The following PRR16 variants were observed in gnomAD, a reference collection of about 807,000 sequenced individuals.
PRR16 encodes proline rich 16, also known as protein Largen.
A neutral mutation model predicts 18.2 loss-of-function variants in PRR16; 6 were observed. That is an observed-to-expected ratio of 0.33 (90% confidence interval 0.18 to 0.65). PRR16 has a LOEUF of 0.65. Ranked by LOEUF, PRR16 falls within the 30% of genes least tolerant of loss-of-function variation. The probability of loss-of-function intolerance (pLI) is 0.74; values close to 1 mark genes in which losing one functional copy is unlikely to be tolerated. For synonymous variants in PRR16, 151 were observed against 147.8 expected (o/e 1.02, Z -0.16); for missense variants, 412 against 376.6 (o/e 1.09, Z -0.78).
the PRR16 span, among the ~76,000 whole-genome samples, chr5:120,726,473 T>C: frequency 6.6e-6 from 1 of 152,036 alleles, no homozygotes; most frequent in African/African-American, 2.4e-5. Context: ...AAGAATCATA[T>C]ATTAACAAAT....
At chr5:120,762,923 C>T in the PRR16 span, among the ~76,000 whole-genome samples, 2 of 152,074 alleles carry the variant, frequency 1.3e-5, no homozygotes, top group Admixed American at 1.3e-4. Context: ...TTAAGTCTTT[C>T]ATTCACTTTG....
the PRR16 span, among the ~76,000 whole-genome samples, chr5:120,759,236 A>G: frequency 8.0e-3 from 1,214 of 152,096 alleles, 2 homozygotes; most frequent in Non-Finnish European, 0.012. Flanking sequence ...TCGGCCTCCC[A>G]AAGTGCTGGG....
At chr5:120,600,238 A>C (rs1352807443) in intron 1 of PRR16, among the ~76,000 whole-genome samples, 5 of 151,868 alleles carry the variant, frequency 3.3e-5, no homozygotes, top group Admixed American at 1.3e-4. Context: ...AAGAGATGCC[A>C]TTCTATGCCA....
chr5:120,574,592 ACT>A (rs1176174561), intron 1 of PRR16, among the ~76,000 whole-genome samples: 2 of 136,572 alleles, frequency 1.5e-5, no homozygotes, highest in Non-Finnish European at 2.9e-5. Context: ...AGAGAGCAAG[ACT>A]CTGTCTCAAA....
chr5:120,760,609 TG>T, the PRR16 span, among the ~76,000 whole-genome samples: 1 of 150,636 alleles, frequency 6.6e-6, no homozygotes, highest in African/African-American at 2.4e-5. Context: ...AGCCAAAGCA[TG>T]TTGCTTAATT....
chr5:120,706,183 G>A, the PRR16 span, among the ~76,000 whole-genome samples: 2 of 152,050 alleles, frequency 1.3e-5, no homozygotes, highest in Non-Finnish European at 2.9e-5. Flanking sequence ...TGAAAGAAGG[G>A]TTTCTTTGGT....
At chr5:120,545,057 T>C (rs970233699) in intron 1 of PRR16, among the ~76,000 whole-genome samples, 1 of 152,024 alleles carries the variant, frequency 6.6e-6, no homozygotes, top group African/African-American at 2.4e-5. Flanking sequence ...AATAGTAGTG[T>C]CTCCAAGAAG....
At chr5:120,727,891 T>C in the PRR16 span, among the ~76,000 whole-genome samples, 1 of 152,004 alleles carries the variant, frequency 6.6e-6, no homozygotes, top group Non-Finnish European at 1.5e-5. Flanking sequence ...CATAAAATGC[T>C]TGAACATTCT....
chr5:120,752,986 G>A, the PRR16 span, among the ~76,000 whole-genome samples: 8 of 151,792 alleles, frequency 5.3e-5, no homozygotes, highest in South Asian at 2.1e-4. Context: ...TAATATTATT[G>A]ATGTCAAATG....
At chr5:120,778,548 A>T in the PRR16 span, among the ~76,000 whole-genome samples, 1 of 152,210 alleles carries the variant, frequency 6.6e-6, no homozygotes, top group African/African-American at 2.4e-5. Flanking sequence ...TGAATAGACA[A>T]CTAGATGTTT....
chr5:120,555,425 T>C (rs1045105442), intron 1 of PRR16, among the ~76,000 whole-genome samples: 2 of 151,968 alleles, frequency 1.3e-5, no homozygotes, highest in South Asian at 4.1e-4. Context: ...CAAGTCAAGG[T>C]GCTGGCCAGT....
intron 1 of PRR16, among the ~76,000 whole-genome samples, chr5:120,558,478 G>A (rs895941067): frequency 2.0e-5 from 3 of 151,846 alleles, no homozygotes; most frequent in Non-Finnish European, 4.4e-5. Flanking sequence ...AATACAGGAT[G>A]TCATTATTTT....
intron 1 of PRR16, among the ~76,000 whole-genome samples, chr5:120,684,206 A>G (rs1312635442): frequency 6.6e-6 from 1 of 152,242 alleles, no homozygotes; most frequent in East Asian, 1.9e-4. Context: ...AGAAAATACT[A>G]GAAGAAATTT....
chr5:120,697,006 T>C, the PRR16 span, among the ~76,000 whole-genome samples: 1 of 152,216 alleles, frequency 6.6e-6, no homozygotes, highest in African/African-American at 2.4e-5. Flanking sequence ...CTTAAATTAA[T>C]GTATGAAGAT....
intron 1 of PRR16, among the ~76,000 whole-genome samples, chr5:120,536,166 C>T (rs1416033191): frequency 6.6e-6 from 1 of 152,154 alleles, no homozygotes; most frequent in Non-Finnish European, 1.5e-5. Flanking sequence ...TAGCAAATGA[C>T]ATTGTGTGTG....
At chr5:120,615,242 C>G (rs938180864) in intron 1 of PRR16, among the ~76,000 whole-genome samples, 2 of 152,080 alleles carry the variant, frequency 1.3e-5, no homozygotes, top group Non-Finnish European at 2.9e-5. Context: ...GATTACATAG[C>G]TAATGAGTCT....
the PRR16 span, among the ~76,000 whole-genome samples, chr5:120,787,858 TA>T: frequency 1.3e-5 from 2 of 152,062 alleles, no homozygotes; most frequent in African/African-American, 2.4e-5. Flanking sequence ...TTAGCATAAA[TA>T]TCTACTTTTA....
intron 1 of PRR16, among the ~76,000 whole-genome samples, chr5:120,677,143 A>T (rs1351154960): frequency 6.6e-6 from 1 of 152,226 alleles, no homozygotes; most frequent in Non-Finnish European, 1.5e-5. Flanking sequence ...TGTAGGCTGT[A>T]TAATGAGGTG....
intron 1 of PRR16, among the ~76,000 whole-genome samples, chr5:120,644,320 A>C (rs1434420091): frequency 6.6e-6 from 1 of 152,136 alleles, no homozygotes; most frequent in Non-Finnish European, 1.5e-5. Flanking sequence ...GAAAAGCTCA[A>C]TCCCGATAGC....
Sources: gnomAD v4.1 joint callset for allele counts (sites outside exome capture counted in the v4.1 genomes callset) on GRCh38, gnomAD v4.1.1 for gene constraint, MANE v1.5 for transcripts, NCBI Gene and HGNC (gene_info 2026-07-23, HGNC 2026-07-21) for gene names.